Variants in CCNY observed in about 807,000 individuals in gnomAD.
CCNY encodes the protein cyclin Y, also known as cyclin-Y.
CCNY carries 19 observed loss-of-function variants against 42.8 expected under a neutral mutation model. The observed-to-expected ratio is 0.44, with a 90% CI of 0.31 to 0.65. The LOEUF is 0.65. CCNY is among the 30% of genes least tolerant of loss of function. The probability of loss-of-function intolerance (pLI) is 0.07; values close to 1 mark genes in which losing one functional copy is unlikely to be tolerated. For synonymous variants in CCNY, 165 were observed against 162.7 expected (o/e 1.01, Z -0.11); for missense variants, 370 against 437.3 (o/e 0.85, Z 1.37).
chr10:35,396,025 T>G (rs1028182396), intron 1 of CCNY, among the ~76,000 whole-genome samples: 5 of 152,036 alleles, frequency 3.3e-5, no homozygotes, highest in Non-Finnish European at 5.9e-5. Flanking sequence ...CTGTGGTGGC[T>G]CCCTCTTTTT....
At chr10:35,267,679 T>G (rs1160619452) in intron 3 of CCNY, among the ~76,000 whole-genome samples, 1 of 152,150 alleles carries the variant, frequency 6.6e-6, no homozygotes, top group African/African-American at 2.4e-5. Context: ...CTTCCAAGTA[T>G]CGATTCCCAG....
intron 1 of CCNY, among the ~76,000 whole-genome samples, chr10:35,351,505 C>T (rs901357232): frequency 2.0e-5 from 3 of 152,162 alleles, no homozygotes; most frequent in African/African-American, 7.2e-5. Context: ...AAGTTAAATA[C>T]GTTCTTTAGT....
chr10:35,248,774 C>T (rs544934937), intron 2 of CCNY, among the ~76,000 whole-genome samples: 5 of 152,218 alleles, frequency 3.3e-5, no homozygotes, highest in South Asian at 4.1e-4. Context: ...AGGAGGCTGA[C>T]GCTGCAGTGA....
At chr10:35,386,676 CG>C (rs1837305766) in intron 1 of CCNY, among the ~76,000 whole-genome samples, 1 of 151,966 alleles carries the variant, frequency 6.6e-6, no homozygotes, top group Non-Finnish European at 1.5e-5. Flanking sequence ...CAATATTGAC[CG>C]AGTTGAAGGA....
At chr10:35,392,996 G>T (rs1200432083) in intron 1 of CCNY, among the ~76,000 whole-genome samples, 1 of 152,042 alleles carries the variant, frequency 6.6e-6, no homozygotes, top group African/African-American at 2.4e-5. Context: ...CCTACGTTCA[G>T]CAAGAATCCC....
intron 1 of CCNY, among the ~76,000 whole-genome samples, chr10:35,378,477 T>C (rs1451993048): frequency 6.6e-6 from 1 of 152,104 alleles, no homozygotes; most frequent in Admixed American, 6.5e-5. Context: ...CTAAGTTGTC[T>C]ATATGGGTGA....
At chr10:35,406,514 C>T (rs1837776739) in intron 1 of CCNY, among the ~76,000 whole-genome samples, 1 of 152,106 alleles carries the variant, frequency 6.6e-6, no homozygotes, top group African/African-American at 2.4e-5. Context: ...TGAGTGGACA[C>T]AGCACATGTT....
intron 1 of CCNY, among the ~76,000 whole-genome samples, chr10:35,374,262 G>C (rs758022573): frequency 6.6e-6 from 1 of 152,070 alleles, no homozygotes; most frequent in African/African-American, 2.4e-5. Context: ...GATACCATGG[G>C]GTTAATTTTT....
chr10:35,287,234 A>G (rs200108524), intron 3 of CCNY, among the ~76,000 whole-genome samples: 1 of 152,344 alleles, frequency 6.6e-6, no homozygotes, highest in East Asian at 1.9e-4. Context: ...AAAGGGGAGA[A>G]AGCCTAAAAT....
rs59550105 is a variant in CCNY at position 35,310,974 on chromosome 10, C to CAACAAAACAA, written c.-9+60389_-9+60398dup. 5.8e-3 allele frequency among the ~76,000 whole-genome samples: 848 copies of CAACAAAACAA among 145,870 alleles called. 17 individuals carry two copies. The highest frequency in any genetic ancestry group is 0.02 in the African/African-American group (763 of 38,752). On this transcript the variant is annotated intron_variant, in intron 3 of 11. Coordinates refer to the CCNY transcript ENST00000374706. ...TGGGCAACATGGTGAAACCCTGTCT[C>CAACAAAACAA]AACAAAACAAAACAAAACAAAACAA... is the stretch of plus-strand genomic sequence containing the variant.
chr10:35,525,873 T>C, intron 4 of CCNY, 91 bp from the exon 5 acceptor site: 1 of 1,119,556 alleles, frequency 8.9e-7, no homozygotes, highest in Non-Finnish European at 1.3e-6. Context: ...TTTACTTCTG[T>C]TTAAATATTT....
chr10:35,324,631 G>A (rs117002404), intron 3 of CCNY, among the ~76,000 whole-genome samples: 1,767 of 152,266 alleles, frequency 0.012, 29 homozygotes, highest in East Asian at 0.056. Flanking sequence ...GATGGGGGAA[G>A]CATCACTTTA....
rs142249030 is a variant in CCNY at position 35,411,079 on chromosome 10, G to T, written c.155-72325G>T. 1.5e-3 allele frequency among the ~76,000 whole-genome samples: 226 copies of T among 152,260 alleles called. 1 individual carries two copies. The highest frequency in any genetic ancestry group is 5.2e-3 in the African/African-American group (214 of 41,544). ...CTTTAGTATTTTGTCAGAATACTCT[G>T]GCCTTGACCCTCATCTGTTAAGTAA... On this transcript the variant is annotated intron_variant, in intron 1 of 9. Transcript: ENST00000374704.
At chr10:35,554,028 CT>C (rs2135452281) in intron 8 of CCNY, among the ~76,000 whole-genome samples, 1 of 152,278 alleles carries the variant, frequency 6.6e-6, no homozygotes, top group South Asian at 2.1e-4. Flanking sequence ...TTTTCTCATA[CT>C]TTTTGTTTGG....
chr10:35,303,504 A>C (rs1835563156), intron 3 of CCNY, among the ~76,000 whole-genome samples: 1 of 150,332 alleles, frequency 6.7e-6, no homozygotes, highest in South Asian at 2.2e-4. Flanking sequence ...AAGCCCAGGC[A>C]TGGTGGCTCG....
intron 3 of CCNY, among the ~76,000 whole-genome samples, chr10:35,515,167 GC>G: frequency 6.6e-6 from 1 of 152,298 alleles, no homozygotes; most frequent in South Asian, 2.1e-4. Flanking sequence ...GAGAGTGTAA[GC>G]CTAAGGAAAG....
At chr10:35,508,359 CT>C (rs1188928757) in intron 3 of CCNY, among the ~76,000 whole-genome samples, 1 of 152,156 alleles carries the variant, frequency 6.6e-6, no homozygotes, top group African/African-American at 2.4e-5. Flanking sequence ...TAGTGGCAGT[CT>C]TTTGATACTG....
At chr10:35,292,037 T>C (rs1207083877) in intron 3 of CCNY, among the ~76,000 whole-genome samples, 1 of 152,206 alleles carries the variant, frequency 6.6e-6, no homozygotes, top group African/African-American at 2.4e-5. Context: ...TGCCACCTTA[T>C]CTTTTGGATT....
intron 3 of CCNY, 73 bp downstream of exon 3, chr10:35,501,608 T>C: frequency 7.9e-7 from 1 of 1,257,962 alleles, no homozygotes; most frequent in African/African-American, 1.5e-5. Context: ...CTGTCTGTGA[T>C]GGATGAAAAT....
Sources: gnomAD v4.1 joint callset for allele counts (sites outside exome capture counted in the v4.1 genomes callset) on GRCh38, gnomAD v4.1.1 for gene constraint, MANE v1.5 for transcripts, NCBI Gene and HGNC (gene_info 2026-07-23, HGNC 2026-07-21) for gene names.